SORCS3: variants seen among roughly 807,000 people sequenced by gnomAD.
The protein encoded by SORCS3 is sortilin related VPS10 domain containing receptor 3.
In SORCS3, 57 loss-of-function variants were observed where a neutral mutation model predicts 146.3. The ratio of observed to expected loss-of-function variants is 0.39; its 90% confidence interval spans 0.31 to 0.49. The LOEUF is 0.49. Ranked by LOEUF, SORCS3 falls within the 20% of genes least tolerant of loss-of-function variation. SORCS3 has a pLI of 0.92. For synonymous variants in SORCS3, 653 were observed against 618.5 expected (o/e 1.06, Z -0.83); for missense variants, 1,341 against 1,575.5 (o/e 0.85, Z 2.52).
intron 4 of SORCS3, among the ~76,000 whole-genome samples, chr10:104,991,405 C>T (rs779089069): frequency 6.6e-6 from 1 of 151,946 alleles, no homozygotes; most frequent in Non-Finnish European, 1.5e-5. Context: ...GCATGGCCAG[C>T]TTCTCTCTGC....
At chr10:104,651,544 A>C (rs11192146) in intron 1 of SORCS3, among the ~76,000 whole-genome samples, 62 of 149,162 alleles carry the variant, frequency 4.2e-4, no homozygotes, top group African/African-American at 1.5e-3. Flanking sequence ...AAAAAAAAAA[A>C]AAAAAAAAAA....
intron 20 of SORCS3, among the ~76,000 whole-genome samples, chr10:105,231,724 G>A (rs1191628199): frequency 1.3e-5 from 2 of 151,980 alleles, no homozygotes; most frequent in African/African-American, 4.8e-5. Context: ...GTTATAAATG[G>A]GTGTTGGATT....
intron 1 of SORCS3, among the ~76,000 whole-genome samples, chr10:104,748,807 C>A (rs1199620944): frequency 6.6e-6 from 1 of 152,168 alleles, no homozygotes; most frequent in Non-Finnish European, 1.5e-5. Context: ...GAGCTGAGAT[C>A]GTGCCATTGC....
chr10:104,897,458 G>A (rs1340487307), intron 2 of SORCS3, among the ~76,000 whole-genome samples: 3 of 152,142 alleles, frequency 2.0e-5, no homozygotes, highest in Non-Finnish European at 2.9e-5. Flanking sequence ...GCCTCTAAGA[G>A]CAGTTCCACT....
At chr10:104,878,684 T>A (rs2018600621) in intron 2 of SORCS3, among the ~76,000 whole-genome samples, 1 of 152,170 alleles carries the variant, frequency 6.6e-6, no homozygotes, top group African/African-American at 2.4e-5. Flanking sequence ...AATAACATAA[T>A]CCAATATTAG....
intron 2 of SORCS3, among the ~76,000 whole-genome samples, chr10:104,872,173 C>T (rs1270245121): frequency 6.6e-6 from 1 of 152,116 alleles, no homozygotes; most frequent in African/African-American, 2.4e-5. Context: ...TTACAATGTA[C>T]CATGAGGGAT....
At chr10:104,836,169 T>G (rs2018065157) in intron 1 of SORCS3, among the ~76,000 whole-genome samples, 1 of 152,086 alleles carries the variant, frequency 6.6e-6, no homozygotes, top group Admixed American at 6.5e-5. Context: ...ACTGAAACTT[T>G]AGAGTGTGGG....
intron 4 of SORCS3, among the ~76,000 whole-genome samples, chr10:105,035,379 T>C (rs2055298859): frequency 6.6e-6 from 1 of 152,162 alleles, no homozygotes; most frequent in Non-Finnish European, 1.5e-5. Context: ...ATGGAAAACT[T>C]TGGGAAGCTG....
At chr10:105,211,748 A>G (rs779165175) in intron 17 of SORCS3, among the ~76,000 whole-genome samples, 3 of 152,190 alleles carry the variant, frequency 2.0e-5, no homozygotes, top group African/African-American at 4.8e-5. Flanking sequence ...CTCTTTGTTC[A>G]TGTATTAGTT....
chr10:104,865,017 G>C (rs1466201304), intron 2 of SORCS3, among the ~76,000 whole-genome samples: 1 of 152,174 alleles, frequency 6.6e-6, no homozygotes, highest in Non-Finnish European at 1.5e-5. Context: ...TTCCAGGCTG[G>C]TCAGTCTCTC....
Position 104,967,009 on chromosome 10 carries a change from A to G in SORCS3, c.796-10326A>G, listed in dbSNP as rs12257271. On this transcript the variant is annotated intron_variant, in intron 3 of 26. Transcript: ENST00000369701. ...CACCATTTGTATGTTGGTAATCTCT[A>G]AAGATTACCAACTCTAATCTTGGAC... Among the ~76,000 whole-genome samples, 1,373 of 149,502 alleles carry G rather than the reference A, an allele frequency of 9.2e-3. 21 individuals are homozygous for G. The highest frequency in any genetic ancestry group is 0.032 in the African/African-American group (1,290 of 40,210).
chr10:105,069,281 A>G (rs1038972979), intron 5 of SORCS3, among the ~76,000 whole-genome samples: 1 of 152,218 alleles, frequency 6.6e-6, no homozygotes, highest in African/African-American at 2.4e-5. Context: ...AGGCAAATCC[A>G]GGAAATCCAC....
chr10:104,914,364 C>T (rs2019003175), intron 2 of SORCS3, among the ~76,000 whole-genome samples: 1 of 152,020 alleles, frequency 6.6e-6, no homozygotes, highest in Non-Finnish European at 1.5e-5. Context: ...TGTTCTGGTG[C>T]AGAAAAGAGA....
chr10:105,248,076 T>C (rs1288757992), intron 22 of SORCS3, among the ~76,000 whole-genome samples: 2 of 152,196 alleles, frequency 1.3e-5, no homozygotes, highest in Non-Finnish European at 2.9e-5. Context: ...AGCAGGGTAA[T>C]AGAATTACAG....
intron 20 of SORCS3, among the ~76,000 whole-genome samples, chr10:105,238,890 C>T (rs1042704597): frequency 3.3e-5 from 5 of 152,080 alleles, no homozygotes; most frequent in Non-Finnish European, 7.4e-5. Context: ...CATCTTTTCC[C>T]ACCTATTACC....
At chr10:105,023,550 G>GT (rs1280474237) in intron 4 of SORCS3, among the ~76,000 whole-genome samples, 4 of 151,640 alleles carry the variant, frequency 2.6e-5, no homozygotes, top group Admixed American at 6.6e-5. Flanking sequence ...GGTTTTTTTT[G>GT]TTTTTTGCTT....
chr10:104,777,259 T>C (rs2017320888), intron 1 of SORCS3, among the ~76,000 whole-genome samples: 1 of 152,164 alleles, frequency 6.6e-6, no homozygotes, highest in Admixed American at 6.5e-5. Flanking sequence ...ACAAGGGAAA[T>C]TCAGACCCTG....
intron 1 of SORCS3, among the ~76,000 whole-genome samples, chr10:104,705,246 A>G (rs1377946248): frequency 3.3e-5 from 2 of 60,966 alleles, no homozygotes; most frequent in East Asian, 5.4e-4. Flanking sequence ...TTTTTTTTTA[A>G]TTGGTCTGCT....
chr10:104,743,793 T>C (rs1042492121), intron 1 of SORCS3, among the ~76,000 whole-genome samples: 1 of 152,118 alleles, frequency 6.6e-6, no homozygotes, highest in Non-Finnish European at 1.5e-5. Context: ...ATCCGCCTTG[T>C]CTGTACCGAT....
Sources: allele counts gnomAD v4.1 joint callset (sites outside exome capture counted in the v4.1 genomes callset), GRCh38; gene constraint gnomAD v4.1.1; transcripts MANE v1.5; gene names NCBI Gene and HGNC (gene_info 2026-07-23, HGNC 2026-07-21).